The following TNFRSF1B variants were observed in gnomAD, a reference collection of about 807,000 sequenced individuals.
TNFRSF1B encodes TNF receptor superfamily member 1B.
Under a neutral mutation model 44.6 loss-of-function variants are expected in TNFRSF1B, and 19 were observed. That is an observed-to-expected ratio of 0.43 (90% CI 0.30 to 0.62). The LOEUF is 0.62. TNFRSF1B is among the 20% of genes least tolerant of loss of function. TNFRSF1B has a pLI of 0.16. For synonymous variants in TNFRSF1B, 252 were observed against 261.1 expected, an observed-to-expected ratio of 0.97 and a Z score of 0.34; for missense variants, 541 against 619.9, an observed-to-expected ratio of 0.87 and a Z score of 1.35.
chr1:12,208,393 CAGTGT>C lies in TNFRSF1B; in HGVS notation c.*1374_*1378del, dbSNP rs1639561237. ...CTGCCCTGCCACTTTGGTACATGGCCAGTGTGATCCCAAGTGCCAGTCTTGTGTCT... is the reference window on the plus strand; with the variant it reads ...CTGCCCTGCCACTTTGGTACATGGCCGATCCCAAGTGCCAGTCTTGTGTCT... On this transcript the variant is annotated 3_prime_UTR_variant, in exon 10 of 10. Coordinates refer to ENST00000376259, the MANE Select transcript of TNFRSF1B (RefSeq NM_001066.3). The C allele has an allele frequency of 6.5e-6, 1 of 152,820 alleles. No homozygotes were observed. Among genetic ancestry groups the C allele is most frequent in the Non-Finnish European group, 1.5e-5 (1 of 68,152 alleles). 9.5% of individuals were successfully genotyped at this position (152,820 alleles called of 1,614,324 possible).
chr1:12,179,100 C>G (rs1184480082), intron 1 of TNFRSF1B, among the ~76,000 whole-genome samples: 1 of 152,138 alleles, frequency 6.6e-6, no homozygotes, highest in Non-Finnish European at 1.5e-5. Context: ...TGCCCGGCGT[C>G]TTTGTACCCT....
Position 12,180,554 on chromosome 1 carries a change from A to G in TNFRSF1B, c.79-8242A>G, listed in dbSNP as rs1343838777. Among the ~76,000 whole-genome samples the G allele has an allele frequency of 1.3e-5, 2 of 152,172 alleles. No homozygotes were observed. Among genetic ancestry groups the G allele is most frequent in the African/African-American group, 4.8e-5 (2 of 41,436 alleles). On this transcript the variant is annotated intron_variant, in intron 1 of 9. Transcript: ENST00000376259. This position sits in a 1 kb window ranked among gnomAD's most constrained non-coding sequence, Gnocchi z 4.3. ...GAGCTGACGCAAACTCCAGAATCAG[A>G]CCTGCCCTGGCCACCTGGCCCTGCC...
At chr1:12,204,069 T>C (rs1639448648) in intron 9 of TNFRSF1B, among the ~76,000 whole-genome samples, 1 of 152,166 alleles carries the variant, frequency 6.6e-6, no homozygotes, top group Non-Finnish European at 1.5e-5. Flanking sequence ...TGTGGCTCCC[T>C]CCTTGGGCCA....
chr1:12,167,242 G>A, intron 1 of TNFRSF1B, 73 bp downstream of exon 1: 6 of 1,126,428 alleles, frequency 5.3e-6, no homozygotes, highest in Non-Finnish European at 6.8e-6. Context: ...GCCTTCGGGT[G>A]CCCGGGCCGC....
At chr1:12,198,499 G>A (rs928895241) in intron 8 of TNFRSF1B, among the ~76,000 whole-genome samples, 5 of 152,040 alleles carry the variant, frequency 3.3e-5, no homozygotes, top group Non-Finnish European at 7.4e-5. Flanking sequence ...ACACACGTGT[G>A]CACGCTTCAC....
chr1:12,167,274 G>A, intron 1 of TNFRSF1B, 105 bp downstream of exon 1: 5 of 909,188 alleles, frequency 5.5e-6, no homozygotes, highest in Non-Finnish European at 7.2e-6. Context: ...GCGCTGTCAC[G>A]GGCTGGGAGG....
rs1281363199 is a variant in TNFRSF1B at position 12,171,840 on chromosome 1, C to G, written c.78+4671C>G. On this transcript the variant is annotated intron_variant, in intron 1 of 9. Transcript: ENST00000376259. The surrounding 1 kb of genome is among the most constrained non-coding windows in gnomAD (Gnocchi z 4.5). The stretch of plus-strand genomic sequence containing the variant: ...ATTGCCCCTGATTGAGAACCACTGG[C>G]CTAGGACAGTGCCTGGCACATAGTA... Among the ~76,000 whole-genome samples the G allele has an allele frequency of 6.6e-6, 1 of 152,158 alleles. No individual in the cohort carries two copies. The highest frequency in any genetic ancestry group is 1.5e-5 in the Non-Finnish European group (1 of 68,030).
At chr1:12,189,008 C>A in intron 2 of TNFRSF1B, 113 bp downstream of exon 2, 1 of 879,492 alleles carries the variant, frequency 1.1e-6, no homozygotes, top group Non-Finnish European at 1.7e-6. Flanking sequence ...TAGTTCTATG[C>A]ACTGGCCCAT....
intron 1 of TNFRSF1B, among the ~76,000 whole-genome samples, chr1:12,182,050 A>G (rs951669877): frequency 5.9e-5 from 9 of 152,326 alleles, no homozygotes; most frequent in Non-Finnish European, 1.2e-4. Flanking sequence ...TTGAGTGAGG[A>G]CACAGAGGAT....
intron 1 of TNFRSF1B, among the ~76,000 whole-genome samples, chr1:12,174,267 T>TTCTTTTTTA (rs772504515): frequency 6.9e-6 from 1 of 144,980 alleles, no homozygotes; most frequent in Non-Finnish European, 1.5e-5. Flanking sequence ...CTTCTTCTTC[T>TTCTTTTTTA]GATGGAGTCT....
chr1:12,192,521 A>G lies in TNFRSF1B; in HGVS notation c.548A>G (p.Gln183Arg), dbSNP rs1373751375. 1 of 1,614,068 alleles carries G rather than the reference A, an allele frequency of 6.2e-7. No individual in the cohort carries two copies. Among genetic ancestry groups the G allele is most frequent in the South Asian group, 1.1e-5 (1 of 91,090 alleles). The change falls in exon 5 of 10, where the codon CAG (glutamine) becomes CGG (arginine). Residue 183 changes from glutamine (Q) to arginine (R), a missense_variant. Physicochemically the swap from Gln to Arg is conservative, Grantham distance 43 (BLOSUM62 1). Coordinates refer to ENST00000376259, the MANE Select transcript of TNFRSF1B (RefSeq NM_001066.3). ...TCCACGGATATTTGCAGGCCCCACC[A>G]GATGTGAGTAGCTGAGTCCTTTGGT... Reference protein sequence around the residue: ...TSSTDICRPHQICNVVAIPGN... With the variant: ...TSSTDICRPHRICNVVAIPGN...
rs1255771446 is a variant in TNFRSF1B, at chr1:12,209,049, C to T, written c.*2029C>T. On this transcript the variant is annotated 3_prime_UTR_variant, in exon 10 of 10. Coordinates refer to ENST00000376259, the MANE Select transcript of TNFRSF1B (RefSeq NM_001066.3). Reference sequence around the variant, plus strand: ...CGCACCTGCCCCCTGGTGGACAGTCCTGGGAGAACCTCAGGCTTCCTTGGC... The same window carrying T: ...CGCACCTGCCCCCTGGTGGACAGTCTTGGGAGAACCTCAGGCTTCCTTGGC... The T allele has an allele frequency of 6.6e-6, 1 of 152,212 alleles. No homozygotes were observed. The highest frequency in any genetic ancestry group is 1.5e-5 in the Non-Finnish European group (1 of 68,114). 9.4% of individuals were successfully genotyped at this position (152,212 alleles called of 1,614,324 possible).
rs373216188 is a variant in TNFRSF1B, at chr1:12,192,460, C to G, written c.487C>G (p.Pro163Ala). 3.7e-6 allele frequency: 6 copies of G among 1,614,006 alleles called. No homozygotes were observed. In the African/African-American group the frequency reaches 8.0e-5, roughly 22 times the overall value. ...TGAAACATCAGACGTGGTGTGCAAG[C>G]CCTGTGCCCCGGGGACGTTCTCCAA... ...GTETSDVVCK[P>A]CAPGTFSNTT... is the part of the protein sequence containing the mutation. The change falls in exon 5 of 10, where the codon CCC (proline) becomes GCC (alanine). Residue 163 changes from proline (P) to alanine (A), a missense_variant. Coordinates refer to ENST00000376259, the MANE Select transcript of TNFRSF1B (RefSeq NM_001066.3).
chr1:12,190,850 C>T (rs2101105365), intron 2 of TNFRSF1B, 107 bp from the exon 3 acceptor site: 2 of 1,374,992 alleles, frequency 1.5e-6, no homozygotes, highest in East Asian at 2.3e-5. Context: ...ACAGAATAGC[C>T]TTCCCAGCTG....
chr1:12,183,775 AT>A (rs879869088), intron 1 of TNFRSF1B, among the ~76,000 whole-genome samples: 14,788 of 135,352 alleles, frequency 0.11, 1,547 homozygotes, highest in Middle Eastern at 0.16. Context: ...CTAGCTATCT[AT>A]TCTATCTACC....
intron 1 of TNFRSF1B, among the ~76,000 whole-genome samples, chr1:12,183,656 T>TTATCTATCTATC (rs76161807): frequency 0.01 from 1,314 of 125,244 alleles, 41 homozygotes; most frequent in Middle Eastern, 0.033. Flanking sequence ...TTTATCTATT[T>TTATCTATCTATC]TATCTATCTA....
In TNFRSF1B at chr1:12,207,169, A is replaced by G; in HGVS notation, c.*149A>G. The G allele has an allele frequency of 1.3e-6, 1 of 790,132 alleles. No individual in the cohort carries two copies. 48.9% of individuals were successfully genotyped at this position (790,132 alleles called of 1,614,324 possible). On this transcript the variant is annotated 3_prime_UTR_variant, in exon 10 of 10. Coordinates refer to ENST00000376259, the MANE Select transcript of TNFRSF1B (RefSeq NM_001066.3). ...TTCCTCTAGTGCCCTCCACAGCCGCAGCCTCCCTCTGACCTGCAGGCCAAG... is the reference window on the plus strand; with the variant it reads ...TTCCTCTAGTGCCCTCCACAGCCGCGGCCTCCCTCTGACCTGCAGGCCAAG...
intron 3 of TNFRSF1B, 31 bp from the exon 4 acceptor site, chr1:12,191,742 CG>C: frequency 6.2e-7 from 1 of 1,611,376 alleles, no homozygotes; most frequent in Non-Finnish European, 8.5e-7. Flanking sequence ...CGGAGGCAGG[CG>C]TGACCGTTTG....
At position 12,207,517 on chromosome 1, in the gene TNFRSF1B, G is replaced by A. The variant is rs987108057; in HGVS notation, c.*497G>A. 4 of 155,622 alleles carry A rather than the reference G, an allele frequency of 2.6e-5. No individual in the cohort carries two copies. The highest frequency in any genetic ancestry group is 4.3e-5 in the Non-Finnish European group (3 of 70,454). 9.6% of individuals were successfully genotyped at this position (155,622 alleles called of 1,614,324 possible). On this transcript the variant is annotated 3_prime_UTR_variant, in exon 10 of 10. Transcript: ENST00000376259. ...TGAAGACAGGACAGTGCTTCAGCCT[G>A]AGGCTGAGACTGCGGGATGGTCCTG...
Sources: gnomAD v4.1 joint callset for allele counts (sites outside exome capture counted in the v4.1 genomes callset) on GRCh38, gnomAD v4.1.1 for gene constraint, Gnocchi (gnomAD v3.1) non-coding constraint, MANE v1.5 for transcripts, NCBI Gene and HGNC (gene_info 2026-07-23, HGNC 2026-07-21) for gene names.